PRELID2: variants seen among roughly 807,000 people sequenced by gnomAD.
The protein encoded by PRELID2 is PRELI domain-containing protein 2.
In PRELID2, 25 loss-of-function variants were observed where a neutral mutation model predicts 28.4. That is an observed-to-expected ratio of 0.88 (90% CI 0.64 to 1.23). The LOEUF (loss-of-function observed/expected upper bound fraction) is 1.23. Among genes scored for constraint, PRELID2 ranks in the 50% most tolerant of loss-of-function variants. PRELID2 has a pLI of 0.00. For synonymous variants in PRELID2, 76 were observed against 71.6 expected (o/e 1.06, Z -0.31); for missense variants, 201 against 214.4 (o/e 0.94, Z 0.39).
At chr5:145,804,266 T>G (rs1352645449) in intron 4 of PRELID2, among the ~76,000 whole-genome samples, 1 of 152,148 alleles carries the variant, frequency 6.6e-6, no homozygotes, top group Non-Finnish European at 1.5e-5. Flanking sequence ...ATCCCAGCAT[T>G]TTGGGAGGCT....
intron 1 of PRELID2, among the ~76,000 whole-genome samples, chr5:145,625,344 T>C (rs767959683): frequency 3.4e-4 from 51 of 152,068 alleles, no homozygotes; most frequent in Non-Finnish European, 5.7e-4. Flanking sequence ...AAATAAATTA[T>C]TTACTACATA....
intron 1 of PRELID2, among the ~76,000 whole-genome samples, chr5:145,741,446 T>C (rs1388403519): frequency 9.0e-5 from 9 of 99,570 alleles, no homozygotes; most frequent in Admixed American, 1.4e-4. Context: ...AAAATTTATT[T>C]ATAAATAATT....
intron 1 of PRELID2, among the ~76,000 whole-genome samples, chr5:145,474,776 T>A (rs1752084779): frequency 6.6e-6 from 1 of 152,180 alleles, no homozygotes; most frequent in Admixed American, 6.6e-5. Flanking sequence ...ATTGTAGTAG[T>A]AACTTAGTAA....
At chr5:145,428,653 T>C in the PRELID2 span, among the ~76,000 whole-genome samples, 3 of 152,150 alleles carry the variant, frequency 2.0e-5, no homozygotes, top group Non-Finnish European at 2.9e-5. Flanking sequence ...CTGCACTTTG[T>C]GCACATGTAC....
chr5:145,252,088 G>T, the PRELID2 span, among the ~76,000 whole-genome samples: 1 of 152,066 alleles, frequency 6.6e-6, no homozygotes, highest in African/African-American at 2.4e-5. Flanking sequence ...CTAGAGGTTT[G>T]TTACTCAAAA....
At chr5:145,388,282 A>G in the PRELID2 span, among the ~76,000 whole-genome samples, 2 of 152,238 alleles carry the variant, frequency 1.3e-5, no homozygotes, top group South Asian at 2.1e-4. Flanking sequence ...GTATTTTTAA[A>G]TGAATAAATG....
intron 1 of PRELID2, among the ~76,000 whole-genome samples, chr5:145,692,891 C>A (rs1755178653): frequency 6.6e-6 from 1 of 152,158 alleles, no homozygotes; most frequent in Non-Finnish European, 1.5e-5. Context: ...GCTCTTCCCA[C>A]AGTCAAAATG....
chr5:145,709,770 T>C (rs1482857087), intron 1 of PRELID2, among the ~76,000 whole-genome samples: 2 of 152,180 alleles, frequency 1.3e-5, no homozygotes, highest in East Asian at 1.9e-4. Flanking sequence ...ACAGTAACCA[T>C]TGCCAACCCC....
Position 145,492,343 on chromosome 5 carries a change from T to TAATA in PRELID2, n.71-19029_71-19028insTATT, listed in dbSNP as rs1389027055. On this transcript the variant is annotated intron_variant and non_coding_transcript_variant, in intron 1 of 2. Transcript: ENST00000510259. ...ATGTCTTCTTTTGCAAAATGTCTAT[T>TAATA]CAGGTCCTTTGCAAAATTTTTAATC... Among the ~76,000 whole-genome samples the TAATA allele has an allele frequency of 4.7e-4, 67 of 143,612 alleles. 2 individuals carry two copies. Among genetic ancestry groups the TAATA allele is most frequent in the South Asian group, 1.5e-3 (6 of 4,004 alleles). The allele number at this position is 143,612 out of a possible 152,430, so 94.2% of individuals were successfully genotyped here.
At chr5:145,485,046 G>A (rs936484164) in intron 1 of PRELID2, among the ~76,000 whole-genome samples, 1 of 152,140 alleles carries the variant, frequency 6.6e-6, no homozygotes, top group Admixed American at 6.6e-5. Flanking sequence ...CTGCAACATA[G>A]CAATATCCAA....
At chr5:145,490,032 T>C (rs1481808398) in intron 1 of PRELID2, among the ~76,000 whole-genome samples, 1 of 152,220 alleles carries the variant, frequency 6.6e-6, no homozygotes, top group African/African-American at 2.4e-5. Context: ...GATACATCTG[T>C]GCTATCTTAC....
At chr5:145,396,104 G>A in the PRELID2 span, among the ~76,000 whole-genome samples, 26 of 152,140 alleles carry the variant, frequency 1.7e-4, no homozygotes, top group Admixed American at 1.0e-3. Flanking sequence ...CCAACATTAC[G>A]GGCAGATTTA....
chr5:145,334,861 T>G, the PRELID2 span, among the ~76,000 whole-genome samples: 2 of 151,764 alleles, frequency 1.3e-5, no homozygotes, highest in Admixed American at 1.3e-4. Flanking sequence ...GATAGTCTTA[T>G]AAAAATGTCC....
At chr5:145,316,766 C>G in the PRELID2 span, among the ~76,000 whole-genome samples, 2 of 152,176 alleles carry the variant, frequency 1.3e-5, no homozygotes, top group Admixed American at 6.5e-5. Flanking sequence ...TGAATGAACT[C>G]CATTTTTTCA....
At chr5:145,419,445 C>T in the PRELID2 span, among the ~76,000 whole-genome samples, 11 of 125,758 alleles carry the variant, frequency 8.7e-5, no homozygotes, top group African/African-American at 3.0e-4. Context: ...GATGGTATCT[C>T]ATTGTGGTTT....
At chr5:145,280,052 C>A in the PRELID2 span, among the ~76,000 whole-genome samples, 1 of 152,082 alleles carries the variant, frequency 6.6e-6, no homozygotes. Flanking sequence ...GGGCCTCAAA[C>A]TTTCAAGCCA....
At chr5:145,623,630 T>C (rs1753803533) in intron 1 of PRELID2, among the ~76,000 whole-genome samples, 1 of 151,122 alleles carries the variant, frequency 6.6e-6, no homozygotes, top group Admixed American at 6.6e-5. Flanking sequence ...GATAGGTAGG[T>C]AGATAGGTAG....
At chr5:145,305,494 C>CA in the PRELID2 span, among the ~76,000 whole-genome samples, 1 of 152,128 alleles carries the variant, frequency 6.6e-6, no homozygotes, top group Admixed American at 6.6e-5. Flanking sequence ...TGGAGGATGC[C>CA]AGGCACATTA....
the PRELID2 span, among the ~76,000 whole-genome samples, chr5:145,352,966 A>C: frequency 1.3e-5 from 2 of 152,192 alleles, no homozygotes; most frequent in African/African-American, 4.8e-5. Flanking sequence ...CATTTTGGTC[A>C]AAGTTATTCA....
Sources: gnomAD v4.1 joint callset for allele counts (sites outside exome capture counted in the v4.1 genomes callset) on GRCh38, gnomAD v4.1.1 for gene constraint, MANE v1.5 for transcripts, NCBI Gene and HGNC (gene_info 2026-07-23, HGNC 2026-07-21) for gene names.